OTOGL: variants seen among roughly 807,000 people sequenced by gnomAD.
OTOGL encodes otogelin like.
Under a neutral mutation model 318.5 loss-of-function variants are expected in OTOGL, and 285 were observed. The observed-to-expected ratio is 0.89, with a 90% CI of 0.81 to 0.99. OTOGL has a LOEUF of 0.99. Ranked by LOEUF, OTOGL falls within the 50% of genes least tolerant of loss-of-function variation. The pLI is 0.00. For missense variants in OTOGL, 2,899 were observed against 2,845.6 expected, an observed-to-expected ratio of 1.02 and a Z score of -0.43; for synonymous variants, 987 against 936.5, an observed-to-expected ratio of 1.05 and a Z score of -0.99.
intron 1 of OTOGL, among the ~76,000 whole-genome samples, chr12:80,142,124 GAGA>G (rs993345393): frequency 1.3e-5 from 2 of 152,114 alleles, no homozygotes; most frequent in Non-Finnish European, 2.9e-5. Context: ...TCCTGTGAAG[GAGA>G]AGGTTAGAGA....
At chr12:80,255,852 G>GT (rs962303554) in intron 16 of OTOGL, among the ~76,000 whole-genome samples, 190 of 150,916 alleles carry the variant, frequency 1.3e-3, no homozygotes, top group African/African-American at 4.4e-3. Flanking sequence ...TGCTTTATTT[G>GT]TTTTTTTTCC....
rs189321755 is a variant in OTOGL at position 80,163,586 on chromosome 12, A to G, written c.-19-45827A>G. Among the ~76,000 whole-genome samples, 510 of 152,228 alleles carry G rather than the reference A, an allele frequency of 3.4e-3. 1 individual carries two copies. Among genetic ancestry groups the G allele is most frequent in the Non-Finnish European group, 4.7e-3 (323 of 68,000 alleles). The stretch of plus-strand genomic sequence containing the variant: ...TTATACAGGCATTATTTAGATCTGC[A>G]GGTCAATTAAGGATTGGCTGATCTC... On this transcript the variant is annotated intron_variant, in intron 1 of 58. Transcript: ENST00000547103.
chr12:80,354,289 G>T (rs1469035238), intron 46 of OTOGL, among the ~76,000 whole-genome samples: 2 of 152,066 alleles, frequency 1.3e-5, no homozygotes, highest in Non-Finnish European at 2.9e-5. Context: ...ATAGTACAAG[G>T]CAGGAGAAAA....
intron 1 of OTOGL, among the ~76,000 whole-genome samples, chr12:80,103,793 C>T (rs534504075): frequency 6.6e-6 from 1 of 152,256 alleles, no homozygotes; most frequent in African/African-American, 2.4e-5. Context: ...CCTTTGCAAA[C>T]ATTCACACAA....
intron 43 of OTOGL, among the ~76,000 whole-genome samples, 169 bp from the exon 44 acceptor site, chr12:80,341,779 A>G (rs1273136946): frequency 6.6e-6 from 1 of 152,250 alleles, no homozygotes; most frequent in Non-Finnish European, 1.5e-5. Flanking sequence ...TCAAAAAATT[A>G]GAACATAATT....
At chr12:80,355,485 A>G (rs1889830166) in intron 46 of OTOGL, among the ~76,000 whole-genome samples, 1 of 151,704 alleles carries the variant, frequency 6.6e-6, no homozygotes, top group Non-Finnish European at 1.5e-5. Flanking sequence ...CAGCCTCCCA[A>G]ACTGCTGGGA....
chr12:80,244,223 G>T (rs2137455669), intron 11 of OTOGL, among the ~76,000 whole-genome samples: 2 of 150,276 alleles, frequency 1.3e-5, no homozygotes, highest in African/African-American at 4.9e-5. Context: ...ACATTGTGCA[G>T]GTTAGTTACA....
At chr12:80,327,475 C>T (rs1887749104) in intron 35 of OTOGL, among the ~76,000 whole-genome samples, 2 of 152,116 alleles carry the variant, frequency 1.3e-5, no homozygotes, top group Admixed American at 6.5e-5. Context: ...CCTTCCTCTC[C>T]CTGTTCTCAA....
At chr12:80,226,669 G>A (rs76103429) in intron 7 of OTOGL, among the ~76,000 whole-genome samples, 3,357 of 152,086 alleles carry the variant, frequency 0.022, 130 homozygotes, top group African/African-American at 0.076. Context: ...GGTTCCCACC[G>A]ATGTCTAGTG....
At chr12:80,150,082 T>G (rs1289789890) in intron 1 of OTOGL, among the ~76,000 whole-genome samples, 1 of 152,170 alleles carries the variant, frequency 6.6e-6, no homozygotes, top group Non-Finnish European at 1.5e-5. Context: ...TTCTCGCTTT[T>G]CTTTATATAG....
rs546388599 is a variant in OTOGL at position 80,295,237 on chromosome 12, C to T, written c.2929-1590C>T. Among the ~76,000 whole-genome samples the T allele has an allele frequency of 1.1e-4, 15 of 135,374 alleles. No individual in the cohort carries two copies. In the South Asian group the frequency reaches 2.5e-3, roughly 23 times the overall value. 88.8% of individuals were successfully genotyped at this position (135,374 alleles called of 152,430 possible). ...AGACTGGAGTGCTGGAGTGCAGTGGCGTGGTCTCAGCTTACTGCAACTTCA... is the reference window on the plus strand; with the variant it reads ...AGACTGGAGTGCTGGAGTGCAGTGGTGTGGTCTCAGCTTACTGCAACTTCA... On this transcript the variant is annotated intron_variant, in intron 26 of 58. Coordinates refer to ENST00000547103, the MANE Select transcript of OTOGL (RefSeq NM_001378609.3).
At chr12:80,205,966 T>C (rs1876779320) in intron 1 of OTOGL, among the ~76,000 whole-genome samples, 1 of 152,226 alleles carries the variant, frequency 6.6e-6, no homozygotes, top group Admixed American at 6.5e-5. Context: ...CTGTCAGGTG[T>C]CACTTTCTAA....
intron 1 of OTOGL, among the ~76,000 whole-genome samples, chr12:80,106,757 G>A (rs1869478970): frequency 1.3e-5 from 2 of 152,074 alleles, no homozygotes; most frequent in Admixed American, 6.6e-5. Context: ...TGTATAGAAA[G>A]CAATGCAACA....
At chr12:80,310,871 G>A (rs1285481810) in intron 30 of OTOGL, 144 bp downstream of exon 30, 1 of 598,802 alleles carries the variant, frequency 1.7e-6, no homozygotes, top group East Asian at 3.0e-5. Flanking sequence ...ATATGTGTTA[G>A]TTTGTTTTTC....
At chr12:80,366,522 T>A in intron 52 of OTOGL, 52 bp from the exon 53 acceptor site, 1 of 286,722 alleles carries the variant, frequency 3.5e-6, no homozygotes, top group Non-Finnish European at 5.9e-6. Context: ...TATATATATA[T>A]ATATATATAA....
At chr12:80,223,462 G>T (rs1878549060) in intron 7 of OTOGL, among the ~76,000 whole-genome samples, 1 of 151,772 alleles carries the variant, frequency 6.6e-6, no homozygotes, top group Non-Finnish European at 1.5e-5. Context: ...AGGATTGCTG[G>T]GTCAAATGGT....
At chr12:80,191,034 G>A (rs1359040704) in intron 1 of OTOGL, among the ~76,000 whole-genome samples, 3 of 152,182 alleles carry the variant, frequency 2.0e-5, no homozygotes, top group Non-Finnish European at 4.4e-5. Flanking sequence ...GGAACAGACA[G>A]GAGTAGTGTA....
chr12:80,330,440 T>C (rs1397349257), intron 37 of OTOGL, among the ~76,000 whole-genome samples: 9 of 152,156 alleles, frequency 5.9e-5, no homozygotes. Flanking sequence ...TGGGAGAAGG[T>C]GGAGGTACTT....
intron 18 of OTOGL, among the ~76,000 whole-genome samples, chr12:80,258,270 C>T: frequency 6.6e-6 from 1 of 152,080 alleles, no homozygotes; most frequent in East Asian, 1.9e-4. Flanking sequence ...TGGATTTAGA[C>T]AGTGTGGCTC....
Sources: allele counts gnomAD v4.1 joint callset (sites outside exome capture counted in the v4.1 genomes callset), GRCh38; gene constraint gnomAD v4.1.1; transcripts MANE v1.5; gene names NCBI Gene and HGNC (gene_info 2026-07-23, HGNC 2026-07-21).